Variants in KCNJ2 observed in about 807,000 individuals in gnomAD.
KCNJ2 encodes inward rectifier potassium channel 2.
KCNJ2 carries 12 observed loss-of-function variants against 28.4 expected under a neutral mutation model. That is an observed-to-expected ratio of 0.42 (90% CI 0.27 to 0.68). The LOEUF is 0.68. Ranked by LOEUF, KCNJ2 falls within the 30% of genes least tolerant of loss-of-function variation. KCNJ2 has a pLI of 0.23. For missense variants in KCNJ2, 320 were observed against 551.3 expected, an observed-to-expected ratio of 0.58 and a Z score of 4.20; for synonymous variants, 200 against 203.2, an observed-to-expected ratio of 0.98 and a Z score of 0.13.
chr17:70,173,140 G>A (rs1044130127), intron 1 of KCNJ2, among the ~76,000 whole-genome samples: 4 of 152,106 alleles, frequency 2.6e-5, no homozygotes, highest in African/African-American at 9.7e-5. Flanking sequence ...AATGTGTTGG[G>A]GCACATTCTT....
chr17:70,175,063 C>A lies in KCNJ2; in HGVS notation c.24C>A (p.Arg8=). 2 of 1,614,176 alleles carry A rather than the reference C, an allele frequency of 1.2e-6. No individual in the cohort carries two copies. The highest frequency in any genetic ancestry group is 1.7e-6 in the Non-Finnish European group (2 of 1,180,028). The change falls in exon 2 of 2, where the codon CGC becomes CGA. Residue 8 remains arginine (R), a synonymous_variant. Transcript: ENST00000243457. This position sits in a 1 kb window ranked among gnomAD's most constrained non-coding sequence, Gnocchi z 8.3. ...CGATGGGCAGTGTGCGAACCAACCG[C>A]TACAGCATCGTCTCTTCAGAAGAAG... MGSVRTN[R]YSIVSSEEDG...
rs151168735 is a variant in KCNJ2 at position 70,175,428 on chromosome 17, C to T, written c.389C>T (p.Thr130Met). ...TGTGTGTCCGAGGTCAACAGCTTCA[C>T]GGCTGCCTTCCTCTTCTCCATTGAG... Reference protein sequence around the residue: ...KACVSEVNSFTAAFLFSIETQ... With the variant: ...KACVSEVNSFMAAFLFSIETQ... Residue 130 changes from threonine (T) to methionine (M), a missense_variant, in exon 2 of 2, where the codon ACG (threonine) becomes ATG (methionine). Coordinates refer to ENST00000243457, the MANE Select transcript of KCNJ2 (RefSeq NM_000891.3). This position sits in a 1 kb window ranked among gnomAD's most constrained non-coding sequence, Gnocchi z 8.3. 18 of 1,614,050 alleles carry T rather than the reference C, an allele frequency of 1.1e-5. No individual in the cohort carries two copies. Among genetic ancestry groups the T allele is most frequent in the Middle Eastern group, 1.6e-4 (1 of 6,084 alleles).
Position 70,177,226 on chromosome 17 carries a change from T to C in KCNJ2, c.*903T>C, listed in dbSNP as rs2074398988. On this transcript the variant is annotated 3_prime_UTR_variant, in exon 2 of 2. Transcript: ENST00000243457. ...CCGAGTCTAGTCAGTGTAGTGCTTT[T>C]AAAAATTTTGTCCTTTCATGTAACT... 6.0e-6 allele frequency: 1 copy of C among 167,038 alleles called. No homozygotes were observed. Among genetic ancestry groups the C allele is most frequent in the Non-Finnish European group, 1.5e-5 (1 of 68,144 alleles). 10.3% of individuals were successfully genotyped at this position (167,038 alleles called of 1,614,324 possible). A position where few individuals can be genotyped will look rare whatever the true frequency, so the allele number is the denominator to read the frequency against.
chr17:70,170,752 C>T (rs1300666736), intron 1 of KCNJ2, among the ~76,000 whole-genome samples: 3 of 152,182 alleles, frequency 2.0e-5, no homozygotes, highest in African/African-American at 7.2e-5. Context: ...TTCCTGCTCA[C>T]TTCCAAATGT....
chr17:70,171,253 TC>T (rs968073975), intron 1 of KCNJ2, among the ~76,000 whole-genome samples: 4 of 146,692 alleles, frequency 2.7e-5, no homozygotes, highest in Non-Finnish European at 6.0e-5. Context: ...GGTATCCCCC[TC>T]CCCTCCCCAC....
chr17:70,179,131 T>C lies in KCNJ2; in HGVS notation c.*2808T>C, dbSNP rs146927188. ...GCCAAGACACAGGTAATGCACGACA[T>C]TGATTGCTGCATTTTACCTTCAAAA... On this transcript the variant is annotated 3_prime_UTR_variant, in exon 2 of 2. Coordinates refer to ENST00000243457, the MANE Select transcript of KCNJ2 (RefSeq NM_000891.3). 1.4e-4 allele frequency: 22 copies of C among 152,652 alleles called. No individual in the cohort carries two copies. Among genetic ancestry groups the C allele is most frequent in the African/African-American group, 5.5e-4 (21 of 38,510 alleles). 9.5% of individuals were successfully genotyped at this position (152,652 alleles called of 1,614,324 possible). A position where few individuals can be genotyped will look rare whatever the true frequency, so the allele number is the denominator to read the frequency against.
Position 70,173,903 on chromosome 17 carries a change from G to T in KCNJ2, c.-216-921G>T, listed in dbSNP as rs553330714. Among the ~76,000 whole-genome samples, 94 of 152,226 alleles carry T rather than the reference G, an allele frequency of 6.2e-4. 2 individuals carry two copies. In the South Asian group the frequency reaches 6.6e-3, roughly 11 times the overall value. ...TACACATGACAGCCCCATCTCAGGA[G>T]AATTTCAGGGCTCTTATTGCTAGGC... is the stretch of plus-strand genomic sequence containing the variant. On this transcript the variant is annotated intron_variant, in intron 1 of 1. Coordinates refer to ENST00000243457, the MANE Select transcript of KCNJ2 (RefSeq NM_000891.3).
rs1231134327 is a variant in KCNJ2 at position 70,178,945 on chromosome 17, T to C, written c.*2622T>C. ...GGTTAGCATGGTTTTAGCAAATATA[T>C]ACCAGCCTTATAAGGTTCGTATTGC... On this transcript the variant is annotated 3_prime_UTR_variant, in exon 2 of 2. Transcript: ENST00000243457. 1 of 166,916 alleles carries C rather than the reference T, an allele frequency of 6.0e-6. No homozygotes were observed. The highest frequency in any genetic ancestry group is 1.5e-5 in the Non-Finnish European group (1 of 68,070). The allele number at this position is 166,916 out of a possible 1,614,324, so 10.3% of individuals were successfully genotyped here.
In KCNJ2 at chr17:70,179,102, A is replaced by G. The variant is rs866094235; in HGVS notation, c.*2779A>G. 2 of 70,990 alleles carry G rather than the reference A, an allele frequency of 2.8e-5. No homozygotes were observed. The highest frequency in any genetic ancestry group is 4.3e-4 in the East Asian group (1 of 2,310). The allele number at this position is 70,990 out of a possible 1,614,324, so 4.4% of individuals were successfully genotyped here. A position where few individuals can be genotyped will look rare whatever the true frequency, so the allele number is the denominator to read the frequency against. On this transcript the variant is annotated 3_prime_UTR_variant, in exon 2 of 2. Coordinates refer to ENST00000243457, the MANE Select transcript of KCNJ2 (RefSeq NM_000891.3). ...TTTTTTTTTTTTTTTTTTTTTTGTC[A>G]AGAGCCAAGACACAGGTAATGCACG...
rs984911196 is a variant in KCNJ2 at position 70,176,457 on chromosome 17, A to G, written c.*134A>G. On this transcript the variant is annotated 3_prime_UTR_variant, in exon 2 of 2. Coordinates refer to ENST00000243457, the MANE Select transcript of KCNJ2 (RefSeq NM_000891.3). ...GCCACAAGGGACTGAGGCAAGCACA[A>G]TGGTTTCAAAGAAAGACTGTAAGCT... is the stretch of plus-strand genomic sequence containing the variant. 13 of 781,206 alleles carry G rather than the reference A, an allele frequency of 1.7e-5. No homozygotes were observed. The highest frequency in any genetic ancestry group is 5.1e-5 in the African/African-American group (3 of 58,418). The allele number at this position is 781,206 out of a possible 1,614,324, so 48.4% of individuals were successfully genotyped here.
intron 1 of KCNJ2, among the ~76,000 whole-genome samples, chr17:70,170,195 T>G (rs1275344331): frequency 6.6e-6 from 1 of 151,538 alleles, no homozygotes; most frequent in East Asian, 1.9e-4. Context: ...GCTTCAAGTA[T>G]AGCTGTGAGT....
At position 70,176,122 on chromosome 17, in the gene KCNJ2, A is replaced by G. The variant is rs767166881; in HGVS notation, c.1083A>G (p.Leu361=). ...CTCCCCTTTGTAGTGCCAGAGACTT[A>G]GCAGAAAAGAAATATATCCTCTCAA... The part of the protein sequence containing the change: ...PNTPLCSARD[L]AEKKYILSNA... Residue 361 remains leucine, a synonymous_variant, in exon 2 of 2, where the codon TTA becomes TTG. Transcript: ENST00000243457. 5.6e-6 allele frequency: 9 copies of G among 1,613,950 alleles called. No homozygotes were observed. Among genetic ancestry groups the G allele is most frequent in the African/African-American group, 2.7e-5 (2 of 74,900 alleles).
chr17:70,172,110 A>T (rs981061557), intron 1 of KCNJ2, among the ~76,000 whole-genome samples: 2 of 152,098 alleles, frequency 1.3e-5, no homozygotes, highest in Non-Finnish European at 2.9e-5. Flanking sequence ...TCGCTCAGGC[A>T]TGTGGGCAGG....
intron 1 of KCNJ2, among the ~76,000 whole-genome samples, chr17:70,171,730 T>C (rs1304796983): frequency 6.6e-6 from 1 of 152,212 alleles, no homozygotes; most frequent in African/African-American, 2.4e-5. Context: ...AGCCTATAAA[T>C]AGTCTTAACA....
rs745672560 is a variant in KCNJ2 at position 70,175,429 on chromosome 17, G to A, written c.390G>A (p.Thr130=). The change falls in exon 2 of 2, where the codon ACG becomes ACA. Residue 130 remains threonine (T), a synonymous_variant. Transcript: ENST00000243457. The surrounding 1 kb of genome is among the most constrained non-coding windows in gnomAD (Gnocchi z 8.3). ...KACVSEVNSF[T]AAFLFSIETQ... is the part of the protein sequence containing the mutation. The stretch of plus-strand genomic sequence containing the variant: ...GTGTGTCCGAGGTCAACAGCTTCAC[G>A]GCTGCCTTCCTCTTCTCCATTGAGA... 7.4e-6 allele frequency: 12 copies of A among 1,613,998 alleles called. No individual in the cohort carries two copies. The Admixed American group carries it at 1.0e-4, about 13-fold the overall frequency.
Position 70,175,489 on chromosome 17 carries a change from C to A in KCNJ2, c.450C>A (p.Val150=). The stretch of plus-strand genomic sequence containing the variant: ...CCATAGGCTATGGTTTCAGATGTGT[C>A]ACGGATGAATGCCCAATTGCTGTTT... The part of the protein sequence containing the change: ...QTTIGYGFRC[V]TDECPIAVFM... The change falls in exon 2 of 2, where the codon GTC becomes GTA. Residue 150 remains valine (V), a synonymous_variant. Coordinates refer to ENST00000243457, the MANE Select transcript of KCNJ2 (RefSeq NM_000891.3). The surrounding 1 kb of genome is among the most constrained non-coding windows in gnomAD (Gnocchi z 8.3). 1.2e-6 allele frequency: 2 copies of A among 1,614,176 alleles called. No homozygotes were observed. The highest frequency in any genetic ancestry group is 1.7e-6 in the Non-Finnish European group (2 of 1,180,034).
chr17:70,175,781 A>G lies in KCNJ2; in HGVS notation c.742A>G (p.Ile248Val). 1 of 1,614,234 alleles carries G rather than the reference A, an allele frequency of 6.2e-7. No homozygotes were observed. Among genetic ancestry groups the G allele is most frequent in the South Asian group, 1.1e-5 (1 of 91,088 alleles). The change falls in exon 2 of 2, where the codon ATA becomes GTA. Residue 248 changes from isoleucine to valine, a missense_variant. Ile to Val is a conservative substitution (Grantham distance 29). Around this residue, in one of 3 missense-constraint regions of KCNJ2, gnomAD observed 155 missense variants for 231.6 expected, o/e 0.67. Transcript: ENST00000243457. This position sits in a 1 kb window ranked among gnomAD's most constrained non-coding sequence, Gnocchi z 8.3. ...SEGEYIPLDQ[I>V]DINVGFDSGI... ...AGGGGAGTATATCCCTCTGGATCAA[A>G]TAGACATCAATGTTGGGTTTGACAG...
Position 70,177,726 on chromosome 17 carries a change from A to C in KCNJ2, c.*1403A>C, listed in dbSNP as rs541344344. ...TTCAGATCAAGTGCTTAGGAAGGAG[A>C]GGAAACTTGCCTTTTTTATGGCAGA... is the stretch of plus-strand genomic sequence containing the variant. On this transcript the variant is annotated 3_prime_UTR_variant, in exon 2 of 2. Coordinates refer to ENST00000243457, the MANE Select transcript of KCNJ2 (RefSeq NM_000891.3). 2 of 167,256 alleles carry C rather than the reference A, an allele frequency of 1.2e-5. No individual in the cohort carries two copies. The highest frequency in any genetic ancestry group is 4.1e-4 in the South Asian group (2 of 4,834). 10.4% of individuals were successfully genotyped at this position (167,256 alleles called of 1,614,324 possible).
rs770964805 is a variant in KCNJ2, at chr17:70,175,783, A to G, written c.744A>G (p.Ile248Met). 6.2e-7 allele frequency: 1 copy of G among 1,614,218 alleles called. No individual in the cohort carries two copies. Among genetic ancestry groups the G allele is most frequent in the South Asian group, 1.1e-5 (1 of 91,090 alleles). The change falls in exon 2 of 2, where the codon ATA (isoleucine) becomes ATG (methionine). Residue 248 changes from isoleucine to methionine, a missense_variant. By Grantham distance (10) the Ile-to-Met change is conservative. Transcript: ENST00000243457. The surrounding 1 kb of genome is among the most constrained non-coding windows in gnomAD (Gnocchi z 8.3). ...SEGEYIPLDQ[I>M]DINVGFDSGI... ...GGGAGTATATCCCTCTGGATCAAAT[A>G]GACATCAATGTTGGGTTTGACAGTG...
Sources: allele counts gnomAD v4.1 joint callset (sites outside exome capture counted in the v4.1 genomes callset), GRCh38; gene constraint gnomAD v4.1.1; regional missense constraint gnomAD v4.1.1; non-coding constraint Gnocchi (gnomAD v3.1); transcripts MANE v1.5; gene names NCBI Gene and HGNC (gene_info 2026-07-23, HGNC 2026-07-21).